FAM171A1: variants seen among roughly 807,000 people sequenced by gnomAD.
The protein encoded by FAM171A1 is family with sequence similarity 171 member A1, also known as protein FAM171A1.
FAM171A1 carries 23 observed loss-of-function variants against 74.9 expected under a neutral mutation model. The observed-to-expected ratio is 0.31, with a 90% CI of 0.22 to 0.44. The LOEUF (loss-of-function observed/expected upper bound fraction) is 0.44, where lower values mean the gene tolerates loss of function less well. Ranked by LOEUF, FAM171A1 falls within the 20% of genes least tolerant of loss-of-function variation. The pLI is 1.00. For missense variants in FAM171A1, 1,162 were observed against 1,159.2 expected (o/e 1.00, Z -0.03); for synonymous variants, 527 against 505.7 (o/e 1.04, Z -0.57).
At chr10:15,274,441 G>A (rs567718927) in intron 3 of FAM171A1, among the ~76,000 whole-genome samples, 36 of 152,270 alleles carry the variant, frequency 2.4e-4, no homozygotes, top group African/African-American at 7.5e-4. Flanking sequence ...AATCAATATC[G>A]TGAAAATGGC....
At chr10:15,328,358 C>A (rs1835583379) in intron 1 of FAM171A1, among the ~76,000 whole-genome samples, 1 of 152,126 alleles carries the variant, frequency 6.6e-6, no homozygotes. Context: ...GTTGGGAAGG[C>A]TGGTCTTGGA....
At chr10:15,320,971 G>A (rs1835479855) in intron 1 of FAM171A1, among the ~76,000 whole-genome samples, 1 of 152,102 alleles carries the variant, frequency 6.6e-6, no homozygotes, top group Non-Finnish European at 1.5e-5. Flanking sequence ...GAGTTTAATG[G>A]GGATGTAACA....
At chr10:15,293,740 T>C (rs990512267) in intron 1 of FAM171A1, among the ~76,000 whole-genome samples, 1 of 152,176 alleles carries the variant, frequency 6.6e-6, no homozygotes, top group African/African-American at 2.4e-5. Context: ...GGGTACTCAC[T>C]GCATGCAAAC....
intron 1 of FAM171A1, among the ~76,000 whole-genome samples, chr10:15,305,648 C>A (rs1219638425): frequency 1.9e-5 from 2 of 103,980 alleles, no homozygotes; most frequent in African/African-American, 3.8e-5. Flanking sequence ...GCCTGGGTGA[C>A]AGAGTGAGAT....
intron 1 of FAM171A1, among the ~76,000 whole-genome samples, chr10:15,288,391 T>G (rs895618267): frequency 2.6e-5 from 4 of 152,196 alleles, no homozygotes; most frequent in Non-Finnish European, 2.9e-5. Flanking sequence ...TTGTGAGATT[T>G]TGGTGTACCC....
At chr10:15,304,127 A>G (rs7089044) in intron 1 of FAM171A1, among the ~76,000 whole-genome samples, 46,453 of 152,094 alleles carry the variant, frequency 0.31, 7,369 homozygotes, top group African/African-American at 0.37. Context: ...TGGATGTGCT[A>G]TAATCCTCAA....
At chr10:15,373,750 C>A (rs1011523624), upstream of FAM171A1, among the ~76,000 whole-genome samples, 1 of 152,122 alleles carries the variant, frequency 6.6e-6, no homozygotes, top group African/African-American at 2.4e-5. Context: ...GAAAAAAAAT[C>A]CCATTCTATG....
intron 5 of FAM171A1, chr10:15,240,889 T>G (rs1288727323): frequency 9.6e-6 from 2 of 208,662 alleles, no homozygotes; most frequent in Non-Finnish European, 1.7e-5. Context: ...AAAAAAAATT[T>G]ACAAATTAGC....
chr10:15,318,629 T>C (rs148426300), intron 1 of FAM171A1, among the ~76,000 whole-genome samples: 1 of 152,188 alleles, frequency 6.6e-6, no homozygotes, highest in Admixed American at 6.5e-5. Flanking sequence ...TGGAGGTGTG[T>C]GTCATCTCAT....
At chr10:15,234,657 C>CTT (rs112414673) in intron 5 of FAM171A1, among the ~76,000 whole-genome samples, 21 of 143,738 alleles carry the variant, frequency 1.5e-4, no homozygotes, top group East Asian at 4.0e-4. Context: ...ATGTACTTTT[C>CTT]TTTTTTTTTT....
Position 15,287,491 on chromosome 10 carries a change from G to C in FAM171A1, c.98-3386C>G, listed in dbSNP as rs865841196. ...CAACCTTTGCCTCCCAGGTTCAAGC[G>C]ATTCTCCTGCCTCAGCCACCAGAGT... On this transcript the variant is annotated intron_variant, in intron 1 of 7. Transcript: ENST00000378116. Among the ~76,000 whole-genome samples, 20 of 149,534 alleles carry C rather than the reference G, an allele frequency of 1.3e-4. No individual in the cohort carries two copies. In the South Asian group the frequency reaches 2.4e-3, roughly 18 times the overall value.
At chr10:15,316,421 T>C (rs1211423853) in intron 1 of FAM171A1, among the ~76,000 whole-genome samples, 1 of 152,212 alleles carries the variant, frequency 6.6e-6, no homozygotes, top group African/African-American at 2.4e-5. Context: ...AGTCAACAAC[T>C]GTCAGGTGAC....
At chr10:15,308,932 C>G (rs914688607) in intron 1 of FAM171A1, among the ~76,000 whole-genome samples, 2 of 152,064 alleles carry the variant, frequency 1.3e-5, no homozygotes, top group African/African-American at 4.8e-5. Context: ...TCCCAGTATG[C>G]TGGGATTACA....
chr10:15,344,269 C>T lies in FAM171A1; in HGVS notation c.97+26687G>A, dbSNP rs573133893. The stretch of plus-strand genomic sequence containing the variant: ...CATCACCAGGATTGAAAATTGAGAG[C>T]GAAAAACTGTTAATCCCAGCAACTG... On this transcript the variant is annotated intron_variant, in intron 1 of 7. Coordinates refer to ENST00000378116, the MANE Select transcript of FAM171A1 (RefSeq NM_001010924.2). Among the ~76,000 whole-genome samples the T allele has an allele frequency of 9.2e-5, 14 of 152,214 alleles. No individual in the cohort carries two copies. The East Asian group carries it at 1.2e-3, about 13-fold the overall frequency.
At position 15,244,736 on chromosome 10, in the gene FAM171A1, G is replaced by T. The variant is rs143691143; in HGVS notation, c.754+3903C>A. 1.6e-3 allele frequency among the ~76,000 whole-genome samples: 247 copies of T among 152,118 alleles called. 1 individual carries two copies. The highest frequency in any genetic ancestry group is 1.9e-3 in the Non-Finnish European group (127 of 67,996). On this transcript the variant is annotated intron_variant, in intron 5 of 7. Coordinates refer to ENST00000378116, the MANE Select transcript of FAM171A1 (RefSeq NM_001010924.2). ...GCTGGTACCTGCACAGACTCGGTGAGGGTGCAGGGAGTAACAGGTCCCCGC... is the reference window on the plus strand; with the variant it reads ...GCTGGTACCTGCACAGACTCGGTGATGGTGCAGGGAGTAACAGGTCCCCGC...
chr10:15,239,901 A>T (rs1450553547), intron 5 of FAM171A1, among the ~76,000 whole-genome samples: 1 of 152,218 alleles, frequency 6.6e-6, no homozygotes, highest in African/African-American at 2.4e-5. Context: ...AACATACTTA[A>T]TCTGAAAATC....
intron 5 of FAM171A1, among the ~76,000 whole-genome samples, chr10:15,227,205 T>C (rs1047815167): frequency 5.9e-5 from 9 of 152,300 alleles, no homozygotes; most frequent in Non-Finnish European, 1.0e-4. Context: ...TTCACCATGT[T>C]GGCCAGGCTG....
At chr10:15,295,389 G>T (rs966952920) in intron 1 of FAM171A1, among the ~76,000 whole-genome samples, 8 of 152,156 alleles carry the variant, frequency 5.3e-5, no homozygotes, top group African/African-American at 1.7e-4. Flanking sequence ...TGGTTTTTCT[G>T]GCACCAGAGC....
Position 15,212,527 on chromosome 10 carries a change from T to C in FAM171A1, c.*388A>G, listed in dbSNP as rs533570121. 8.6e-6 allele frequency: 2 copies of C among 232,716 alleles called. No homozygotes were observed. Among genetic ancestry groups the C allele is most frequent in the African/African-American group, 4.7e-5 (2 of 42,986 alleles). 14.4% of individuals were successfully genotyped at this position (232,716 alleles called of 1,614,324 possible). ...CAACGACAGCTTCACAGTAGGATTA[T>C]TGTGATAAAAATGACTCAAGCGATG... On this transcript the variant is annotated 3_prime_UTR_variant, in exon 8 of 8. Coordinates refer to ENST00000378116, the MANE Select transcript of FAM171A1 (RefSeq NM_001010924.2).
Sources: gnomAD v4.1 joint callset for allele counts (sites outside exome capture counted in the v4.1 genomes callset) on GRCh38, gnomAD v4.1.1 for gene constraint, MANE v1.5 for transcripts, NCBI Gene and HGNC (gene_info 2026-07-23, HGNC 2026-07-21) for gene names.